The following ASIC2 variants were observed in gnomAD, a reference collection of about 807,000 sequenced individuals.
ASIC2 encodes acid-sensing ion channel 2.
Under a neutral mutation model 57.3 loss-of-function variants are expected in ASIC2, and 25 were observed. The ratio of observed to expected loss-of-function variants is 0.44; its 90% CI spans 0.32 to 0.61. The LOEUF (loss-of-function observed/expected upper bound fraction) is 0.61, where lower values mean the gene tolerates loss of function less well. Ranked by LOEUF, ASIC2 falls within the 20% of genes least tolerant of loss-of-function variation. ASIC2 has a pLI of 0.06. For synonymous variants in ASIC2, 319 were observed against 307.5 expected (o/e 1.04, Z -0.39); for missense variants, 641 against 738.1 (o/e 0.87, Z 1.52).
At chr17:33,845,955 C>T (rs569070937) in intron 1 of ASIC2, among the ~76,000 whole-genome samples, 1 of 152,306 alleles carries the variant, frequency 6.6e-6, no homozygotes, top group Admixed American at 6.5e-5. Context: ...TCATTGTGGA[C>T]TTCCTCTTAT....
chr17:33,777,607 A>G (rs1911324510), intron 1 of ASIC2, among the ~76,000 whole-genome samples: 1 of 152,062 alleles, frequency 6.6e-6, no homozygotes, highest in African/African-American at 2.4e-5. Context: ...GTGCACAGAG[A>G]GGTTTGACAA....
At chr17:33,577,211 T>A (rs1440336467) in intron 1 of ASIC2, among the ~76,000 whole-genome samples, 1 of 152,180 alleles carries the variant, frequency 6.6e-6, no homozygotes, top group Non-Finnish European at 1.5e-5. Context: ...AAGCCTCCTA[T>A]TACTGCTGCA....
intron 1 of ASIC2, among the ~76,000 whole-genome samples, chr17:33,394,554 A>G (rs1910009353): frequency 6.6e-6 from 1 of 152,194 alleles, no homozygotes; most frequent in Non-Finnish European, 1.5e-5. Context: ...TGAGCAGGGT[A>G]TGAGGGACAG....
intron 1 of ASIC2, among the ~76,000 whole-genome samples, chr17:33,992,507 T>A (rs1439219532): frequency 6.6e-6 from 1 of 152,208 alleles, no homozygotes; most frequent in Admixed American, 6.5e-5. Context: ...TGCACACATG[T>A]GTCTTTTCCC....
At chr17:33,665,944 C>T (rs1056621360) in intron 1 of ASIC2, among the ~76,000 whole-genome samples, 6 of 152,028 alleles carry the variant, frequency 3.9e-5, no homozygotes, top group African/African-American at 1.2e-4. Context: ...TCTGTGCGTG[C>T]GACTATGTAT....
chr17:34,121,506 A>G (rs1270269520), intron 1 of ASIC2, among the ~76,000 whole-genome samples: 1 of 152,132 alleles, frequency 6.6e-6, no homozygotes, highest in Non-Finnish European at 1.5e-5. Flanking sequence ...GGAGCATTAG[A>G]AAGGCCTTCA....
intron 1 of ASIC2, among the ~76,000 whole-genome samples, chr17:33,369,267 A>G (rs1908949465): frequency 6.6e-6 from 1 of 152,180 alleles, no homozygotes. Flanking sequence ...AGTTAAAAGC[A>G]GAGTATTTCT....
intron 1 of ASIC2, among the ~76,000 whole-genome samples, chr17:33,547,068 C>T (rs989770005): frequency 6.6e-6 from 1 of 152,148 alleles, no homozygotes; most frequent in African/African-American, 2.4e-5. Context: ...GGTTGCCAGG[C>T]CCTACCTCCA....
At chr17:33,189,313 C>T (rs11652702) in intron 1 of ASIC2, among the ~76,000 whole-genome samples, 12,185 of 151,438 alleles carry the variant, frequency 0.08, 655 homozygotes, top group Middle Eastern at 0.17. Context: ...AAACAGAAAG[C>T]GAAGAGATGG....
chr17:33,543,302 C>CA (rs61020736), intron 1 of ASIC2, among the ~76,000 whole-genome samples: 7 of 127,410 alleles, frequency 5.5e-5, no homozygotes, highest in Non-Finnish European at 1.2e-4. Flanking sequence ...AAAACAAAAA[C>CA]AAAAAAAACA....
intron 1 of ASIC2, among the ~76,000 whole-genome samples, chr17:34,090,027 C>G (rs1486007369): frequency 6.6e-6 from 1 of 152,168 alleles, no homozygotes; most frequent in Non-Finnish European, 1.5e-5. Flanking sequence ...CACTGGCATA[C>G]AGATCACACC....
chr17:33,110,632 G>A (rs778021153), intron 2 of ASIC2, among the ~76,000 whole-genome samples: 5 of 152,206 alleles, frequency 3.3e-5, no homozygotes, highest in South Asian at 2.1e-4. Flanking sequence ...CGGGGTGTTC[G>A]TGAGAGAGGG....
intron 1 of ASIC2, among the ~76,000 whole-genome samples, chr17:33,995,054 T>G (rs1383223914): frequency 6.6e-6 from 1 of 152,128 alleles, no homozygotes; most frequent in Admixed American, 6.5e-5. Flanking sequence ...CTAGCTTGCC[T>G]ACTAGCTGCA....
At chr17:33,996,240 T>C (rs1597966875) in intron 1 of ASIC2, among the ~76,000 whole-genome samples, 1 of 152,204 alleles carries the variant, frequency 6.6e-6, no homozygotes, top group Non-Finnish European at 1.5e-5. Context: ...CTTTACACAG[T>C]TTGGATATTA....
intron 1 of ASIC2, among the ~76,000 whole-genome samples, chr17:33,584,055 A>C (rs1304197761): frequency 6.6e-6 from 1 of 152,162 alleles, no homozygotes; most frequent in African/African-American, 2.4e-5. Context: ...CTCTTGGCAC[A>C]GTTCGGAAAT....
At chr17:34,069,620 C>A (rs1389970726) in intron 1 of ASIC2, 1 of 152,232 alleles carries the variant, frequency 6.6e-6, no homozygotes, top group African/African-American at 2.4e-5. Context: ...CAGGGCTAGG[C>A]AAGTGTCAGA....
chr17:34,083,620 T>C (rs1909981919), intron 1 of ASIC2, among the ~76,000 whole-genome samples: 1 of 152,208 alleles, frequency 6.6e-6, no homozygotes, highest in South Asian at 2.1e-4. Flanking sequence ...AATGGTTAAC[T>C]AGTTTACAGT....
At chr17:33,465,177 T>C (rs1912820580) in intron 1 of ASIC2, among the ~76,000 whole-genome samples, 1 of 152,164 alleles carries the variant, frequency 6.6e-6, no homozygotes, top group African/African-American at 2.4e-5. Flanking sequence ...CTGGCTGTTT[T>C]TGTTAGGAGC....
At chr17:33,774,343 G>A (rs1014933963) in intron 1 of ASIC2, among the ~76,000 whole-genome samples, 9 of 152,192 alleles carry the variant, frequency 5.9e-5, no homozygotes, top group African/African-American at 9.7e-5. Flanking sequence ...TTGGAGCTAT[G>A]GGTTGAATGA....
Sources: allele counts gnomAD v4.1 joint callset (sites outside exome capture counted in the v4.1 genomes callset), GRCh38; gene constraint gnomAD v4.1.1; transcripts MANE v1.5; gene names NCBI Gene and HGNC (gene_info 2026-07-23, HGNC 2026-07-21).